Variants in EYA2 observed in about 807,000 individuals in gnomAD.
EYA2 encodes the protein EYA transcriptional coactivator and phosphatase 2.
In EYA2, 31 loss-of-function variants were observed where a neutral mutation model predicts 69.2. The observed-to-expected ratio is 0.45, with a 90% CI of 0.34 to 0.60. EYA2 has a LOEUF of 0.60. EYA2 is among the 20% of genes least tolerant of loss of function. The pLI, the probability that EYA2 is intolerant of heterozygous loss-of-function variation, is 0.02. For synonymous variants in EYA2, 257 were observed against 279.4 expected, an observed-to-expected ratio of 0.92 and a Z score of 0.80; for missense variants, 622 against 701.2, an observed-to-expected ratio of 0.89 and a Z score of 1.28.
At chr20:46,940,415 G>T (rs1986104941) in intron 1 of EYA2, among the ~76,000 whole-genome samples, 1 of 152,154 alleles carries the variant, frequency 6.6e-6, no homozygotes, top group Non-Finnish European at 1.5e-5. Flanking sequence ...GTCCTGTGTG[G>T]AGAGCCAGGA....
At chr20:47,054,321 A>G (rs2030493313) in intron 5 of EYA2, among the ~76,000 whole-genome samples, 1 of 152,206 alleles carries the variant, frequency 6.6e-6, no homozygotes, top group South Asian at 2.1e-4. Flanking sequence ...GAATGAATGA[A>G]TGACGCTAAG....
chr20:46,899,837 G>A (rs368183889), intron 1 of EYA2, among the ~76,000 whole-genome samples: 4 of 152,200 alleles, frequency 2.6e-5, no homozygotes, highest in East Asian at 1.9e-4. Flanking sequence ...CGCTGTCATC[G>A]CCTTTGGATG....
In EYA2 at chr20:47,089,349, G is replaced by A; in HGVS notation, c.772G>A (p.Asp258Asn). The A allele has an allele frequency of 1.9e-6, 3 of 1,614,182 alleles. No homozygotes were observed. Among genetic ancestry groups the A allele is most frequent in the Non-Finnish European group, 2.5e-6 (3 of 1,180,030 alleles). ...KLRGRSKRSSDPSPAGDNEIE... is the reference protein window; with the variant it reads ...KLRGRSKRSSNPSPAGDNEIE... ...CCGAGGCCGGTCTAAGAGGAGCAGT[G>A]ACCCGTCCCCGGCAGGGGACAATGA... is the stretch of plus-strand genomic sequence containing the variant. The change falls in exon 8 of 16, where the codon GAC becomes AAC. Residue 258 changes from aspartate to asparagine, a missense_variant. Asp to Asn is a conservative substitution (Grantham distance 23). Coordinates refer to ENST00000327619, the MANE Select transcript of EYA2 (RefSeq NM_005244.5).
At chr20:47,071,138 T>C (rs933028113) in intron 5 of EYA2, among the ~76,000 whole-genome samples, 1 of 152,112 alleles carries the variant, frequency 6.6e-6, no homozygotes, top group Admixed American at 6.5e-5. Context: ...GCCTCCCTAG[T>C]AGCTGGGATT....
chr20:47,135,275 A>C (rs1334020152), intron 9 of EYA2, among the ~76,000 whole-genome samples: 3 of 152,006 alleles, frequency 2.0e-5, no homozygotes, highest in Non-Finnish European at 4.4e-5. Context: ...TTTTACAAAA[A>C]CGTATTTAAT....
At chr20:46,907,788 G>A (rs1033729754) in intron 1 of EYA2, among the ~76,000 whole-genome samples, 1 of 152,110 alleles carries the variant, frequency 6.6e-6, no homozygotes, top group East Asian at 1.9e-4. Context: ...GCAGTGAGCC[G>A]AGATGGTGCC....
At chr20:46,966,870 T>C (rs1295318052) in intron 1 of EYA2, among the ~76,000 whole-genome samples, 2 of 152,140 alleles carry the variant, frequency 1.3e-5, no homozygotes, top group East Asian at 1.9e-4. Flanking sequence ...TCAAAAAATA[T>C]TATCATTTCA....
intron 1 of EYA2, among the ~76,000 whole-genome samples, chr20:46,971,157 TG>T (rs1242505887): frequency 6.6e-6 from 1 of 151,634 alleles, no homozygotes; most frequent in Non-Finnish European, 1.5e-5. Flanking sequence ...AGATAAGAGA[TG>T]GTGAGTAGAT....
intron 9 of EYA2, among the ~76,000 whole-genome samples, chr20:47,128,500 A>G (rs1246252695): frequency 6.6e-6 from 1 of 152,072 alleles, no homozygotes; most frequent in Non-Finnish European, 1.5e-5. Flanking sequence ...TTAAAAGTAG[A>G]CATCAACAGT....
chr20:47,090,229 CT>C lies in EYA2; in HGVS notation c.804+867del, dbSNP rs60732138. 6.8e-3 allele frequency among the ~76,000 whole-genome samples: 836 copies of C among 122,046 alleles called. 5 individuals are homozygous for C. The highest frequency in any genetic ancestry group is 0.021 in the African/African-American group (669 of 32,136). 80.1% of individuals were successfully genotyped at this position (122,046 alleles called of 152,430 possible). ...AACTAGTGGTCAGGGATGCTCCAAT[CT>C]TTTTTTTTTTTTTTTTTTGAATTGG... On this transcript the variant is annotated intron_variant, in intron 8 of 15. Transcript: ENST00000327619.
rs552946986 is a variant in EYA2 at position 46,929,742 on chromosome 20, C to G, written c.-11+34755C>G. On this transcript the variant is annotated intron_variant, in intron 1 of 15. Coordinates refer to ENST00000327619, the MANE Select transcript of EYA2 (RefSeq NM_005244.5). ...AGGACTGAGGCTGGGTGCGGTGGCT[C>G]ACATCTGTAATCCTAGTGCATTGAG... Among the ~76,000 whole-genome samples, 96 of 151,910 alleles carry G rather than the reference C, an allele frequency of 6.3e-4. 2 individuals carry two copies. In the South Asian group the frequency reaches 0.02, roughly 32 times the overall value.
At chr20:47,148,383 C>T (rs185851438) in intron 10 of EYA2, among the ~76,000 whole-genome samples, 105 of 152,314 alleles carry the variant, frequency 6.9e-4, no homozygotes, top group Non-Finnish European at 1.1e-3. Flanking sequence ...CAGGGGGCTA[C>T]AGGGGCTACA....
intron 1 of EYA2, among the ~76,000 whole-genome samples, chr20:46,968,130 T>G (rs942618963): frequency 6.6e-6 from 1 of 152,208 alleles, no homozygotes; most frequent in Non-Finnish European, 1.5e-5. Flanking sequence ...TAGGGCCATG[T>G]CCAGTTGTGT....
At position 47,074,430 on chromosome 20, in the gene EYA2, G is replaced by T. The variant is rs189971332; in HGVS notation, c.661+95G>T. 43 of 1,332,160 alleles carry T rather than the reference G, an allele frequency of 3.2e-5. No homozygotes were observed. In the African/African-American group the frequency reaches 5.1e-4, roughly 16 times the overall value. 82.5% of individuals were successfully genotyped at this position (1,332,160 alleles called of 1,614,324 possible). On this transcript the variant is annotated intron_variant, in intron 7 of 15. Transcript: ENST00000327619. ...CATGGGTCCCAATTGTAACAAACAG[G>T]TTACCCAAGGGTCATTCATGGATGT... is the stretch of plus-strand genomic sequence containing the variant.
intron 1 of EYA2, among the ~76,000 whole-genome samples, chr20:46,895,223 C>G (rs1983738899): frequency 6.6e-6 from 1 of 152,176 alleles, no homozygotes; most frequent in Admixed American, 6.5e-5. Context: ...CTCGGGGCCC[C>G]AGTTTCCCCA....
At chr20:46,998,787 T>G (rs1250655203) in intron 2 of EYA2, among the ~76,000 whole-genome samples, 1 of 152,194 alleles carries the variant, frequency 6.6e-6, no homozygotes, top group East Asian at 1.9e-4. Context: ...CCAGGTGTCC[T>G]GGGATGAAAA....
intron 7 of EYA2, among the ~76,000 whole-genome samples, chr20:47,081,324 T>C (rs1037781817): frequency 1.4e-4 from 21 of 152,062 alleles, no homozygotes; most frequent in African/African-American, 4.8e-4. Flanking sequence ...TTAAGTGTTT[T>C]TAGTAAAAAA....
intron 9 of EYA2, among the ~76,000 whole-genome samples, chr20:47,104,576 G>A (rs2032521744): frequency 6.6e-6 from 1 of 152,108 alleles, no homozygotes; most frequent in Non-Finnish European, 1.5e-5. Flanking sequence ...CTTACATTTA[G>A]GTCTGTGATC....
chr20:47,125,148 G>A (rs1447391553), intron 9 of EYA2, among the ~76,000 whole-genome samples: 1 of 151,206 alleles, frequency 6.6e-6, no homozygotes, highest in African/African-American at 2.4e-5. Flanking sequence ...CCACCTCCTG[G>A]GTTCACGCCA....
Sources: allele counts gnomAD v4.1 joint callset (sites outside exome capture counted in the v4.1 genomes callset), GRCh38; gene constraint gnomAD v4.1.1; transcripts MANE v1.5; gene names NCBI Gene and HGNC (gene_info 2026-07-23, HGNC 2026-07-21).